The following GARS1 variants were observed in gnomAD, a reference collection of about 807,000 sequenced individuals.
GARS1 encodes glycine--tRNA ligase.
Under a neutral mutation model 86.4 loss-of-function variants are expected in GARS1, and 46 were observed. The observed-to-expected ratio is 0.53, with a 90% CI of 0.42 to 0.68. GARS1 has a LOEUF of 0.68. GARS1 is among the 30% of genes least tolerant of loss of function. The pLI, the probability that GARS1 is intolerant of heterozygous loss-of-function variation, is 0.00. For synonymous variants in GARS1, 342 were observed against 329.8 expected (o/e 1.04, Z -0.40); for missense variants, 797 against 915.6 (o/e 0.87, Z 1.67).
chr7:30,608,645 T>G (rs1791531856), intron 6 of GARS1, among the ~76,000 whole-genome samples: 1 of 152,198 alleles, frequency 6.6e-6, no homozygotes, highest in South Asian at 2.1e-4. Context: ...TTTATGAGGG[T>G]AGCAAATATA....
Position 30,603,560 on chromosome 7 carries a change from T to C in GARS1, c.723T>C (p.Ser241=), listed in dbSNP as rs767839744. The change falls in exon 6 of 17, where the codon AGT becomes AGC. Residue 241 remains serine (S), a synonymous_variant. Coordinates refer to ENST00000389266, the MANE Select transcript of GARS1 (RefSeq NM_002047.4). ...CSVEKKSEME[S]VLAQLDNYGQ... The stretch of plus-strand genomic sequence containing the variant: ...TCGAAAAGAAATCAGAAATGGAAAG[T>C]GTTTTGGCCCAGGTGAGTACTCTAG... The C allele has an allele frequency of 1.9e-6, 3 of 1,613,374 alleles. No homozygotes were observed. Among genetic ancestry groups the C allele is most frequent in the Admixed American group, 1.7e-5 (1 of 59,988 alleles).
chr7:30,632,535 T>G lies in GARS1; in HGVS notation c.2094+98T>G, dbSNP rs938866884. 81 of 1,295,132 alleles carry G rather than the reference T, an allele frequency of 6.3e-5. No homozygotes were observed. The Admixed American group carries it at 1.5e-3, about 24-fold the overall frequency. The allele number at this position is 1,295,132 out of a possible 1,614,324, so 80.2% of individuals were successfully genotyped here. ...TGATGTGTTTATGCTCCCTTTCCTTTTTTTTTCTTTTTAATTTTAATGAAC... is the reference window on the plus strand; with the variant it reads ...TGATGTGTTTATGCTCCCTTTCCTTGTTTTTTCTTTTTAATTTTAATGAAC... On this transcript the variant is annotated intron_variant, in intron 16 of 16. Coordinates refer to ENST00000389266, the MANE Select transcript of GARS1 (RefSeq NM_002047.4). This position sits in a 1 kb window ranked among gnomAD's most constrained non-coding sequence, Gnocchi z 4.1.
chr7:30,595,181 C>G (rs766720408), intron 1 of GARS1, 38 bp downstream of exon 1: 430 of 1,507,950 alleles, frequency 2.9e-4, no homozygotes, highest in Non-Finnish European at 3.4e-4. Flanking sequence ...GCCTCCGGCT[C>G]TCCTCCCAGG....
intron 10 of GARS1, among the ~76,000 whole-genome samples, chr7:30,617,979 G>A (rs1451121429): frequency 1.3e-5 from 2 of 152,136 alleles, no homozygotes; most frequent in African/African-American, 2.4e-5. Flanking sequence ...AGGCTTCCTC[G>A]CCTACATAGA....
chr7:30,629,950 A>T (rs1190487094), intron 14 of GARS1, among the ~76,000 whole-genome samples: 1 of 152,254 alleles, frequency 6.6e-6, no homozygotes, highest in African/African-American at 2.4e-5. Flanking sequence ...ATCTAACAAT[A>T]TTAATATAAC....
chr7:30,606,050 T>A (rs1192621554), intron 6 of GARS1, among the ~76,000 whole-genome samples: 2 of 152,234 alleles, frequency 1.3e-5, no homozygotes, highest in Non-Finnish European at 1.5e-5. Context: ...TGTTCCTTAC[T>A]GTTTTCTACT....
intron 10 of GARS1, among the ~76,000 whole-genome samples, chr7:30,620,451 T>G (rs555888886): frequency 3.3e-5 from 5 of 152,200 alleles, no homozygotes; most frequent in African/African-American, 7.2e-5. Context: ...GGTCCCAAAT[T>G]CCAGTGATTA....
rs773316961 is a variant in GARS1, at chr7:30,631,455, G to A, written c.1817G>A (p.Ser606Asn). The stretch of plus-strand genomic sequence containing the variant: ...TCTTTTTAAATCATCCAGTTCTTCA[G>A]TTTCCCTGCTGTAGTTGCTCCATTC... ...REGDEQRTFF[S>N]FPAVVAPFKC... Residue 606 changes from serine (S) to asparagine (N), a missense_variant, in exon 15 of 17, where the codon AGT becomes AAT. Ser to Asn is a conservative substitution (Grantham distance 46). Around this residue, in one of 2 missense-constraint regions of GARS1, gnomAD observed 598 missense variants for 738.7 expected, o/e 0.81. Transcript: ENST00000389266. 1.1e-5 allele frequency: 17 copies of A among 1,612,580 alleles called. No individual in the cohort carries two copies. Among genetic ancestry groups the A allele is most frequent in the Non-Finnish European group, 1.4e-5 (17 of 1,178,926 alleles).
rs374329201 is a variant in GARS1, at chr7:30,622,210, T to TG, written c.1468-106dup. The stretch of plus-strand genomic sequence containing the variant: ...TCAGCATAAACAGGATCTGGAGTAC[T>TG]GATAGAGAGCTGGCATGGTTTTAAG... On this transcript the variant is annotated intron_variant, in intron 11 of 16. Transcript: ENST00000389266. 2.3e-4 allele frequency: 308 copies of TG among 1,332,318 alleles called. No individual in the cohort carries two copies. In the African/African-American group the frequency reaches 3.2e-3, roughly 14 times the overall value. 82.5% of individuals were successfully genotyped at this position (1,332,318 alleles called of 1,614,324 possible).
chr7:30,606,820 A>G (rs74967934), intron 6 of GARS1, among the ~76,000 whole-genome samples: 2,359 of 152,290 alleles, frequency 0.015, 61 homozygotes, highest in African/African-American at 0.054. Context: ...TGAGCTAGGA[A>G]GTTGATATTT....
rs1808811699 is a variant in GARS1, at chr7:30,632,625, C to T, written c.2094+188C>T. Among the ~76,000 whole-genome samples the T allele has an allele frequency of 6.6e-6, 1 of 152,022 alleles. No homozygotes were observed. Among genetic ancestry groups the T allele is most frequent in the Non-Finnish European group, 1.5e-5 (1 of 68,026 alleles). On this transcript the variant is annotated intron_variant, in intron 16 of 16. Transcript: ENST00000389266. This position sits in a 1 kb window ranked among gnomAD's most constrained non-coding sequence, Gnocchi z 4.1. The stretch of plus-strand genomic sequence containing the variant: ...GTTTAATTATGAAAATATCCATTAG[C>T]ACTTCTCTAATATTTTATAAACATT...
At chr7:30,599,873 A>C in intron 2 of GARS1, 74 bp from the exon 3 acceptor site, 1 of 960,102 alleles carries the variant, frequency 1.0e-6, no homozygotes, top group Non-Finnish European at 1.6e-6. Context: ...TGAGGAATAA[A>C]CTAAATTCAG....
In GARS1 at chr7:30,609,710, G is replaced by T. The variant is rs1217614307; in HGVS notation, c.861G>T (p.Gly287=). 2.5e-6 allele frequency: 4 copies of T among 1,613,470 alleles called. No homozygotes were observed. The highest frequency in any genetic ancestry group is 3.4e-6 in the Non-Finnish European group (4 of 1,179,710). ...ACTTAATGTTCAAGACTTTCATTGG[G>T]CCTGGAGGAAACATGCCTGGGTATG... ...SFNLMFKTFI[G]PGGNMPGYLR... The change falls in exon 7 of 17, where the codon GGG becomes GGT. Residue 287 remains glycine, a synonymous_variant. Coordinates refer to ENST00000389266, the MANE Select transcript of GARS1 (RefSeq NM_002047.4).
intron 10 of GARS1, 63 bp from the exon 11 acceptor site, chr7:30,621,330 G>A (rs1404663697): frequency 6.8e-6 from 9 of 1,318,500 alleles, no homozygotes; most frequent in Admixed American, 1.7e-5. Flanking sequence ...GCATGCATTT[G>A]TGAATGAACC....
At position 30,603,533 on chromosome 7, in the gene GARS1, T is replaced by C; in HGVS notation, c.696T>C (p.Ser232=). Residue 232 remains serine (S), a synonymous_variant, in exon 6 of 17, where the codon TCT becomes TCC. Coordinates refer to ENST00000389266, the MANE Select transcript of GARS1 (RefSeq NM_002047.4). ...AATTGATGTCTGATAAGAAGTGTTC[T>C]GTCGAAAAGAAATCAGAAATGGAAA... is the stretch of plus-strand genomic sequence containing the variant. ...LQKLMSDKKC[S]VEKKSEMESV... 1 of 1,613,978 alleles carries C rather than the reference T, an allele frequency of 6.2e-7. No homozygotes were observed. The highest frequency in any genetic ancestry group is 8.5e-7 in the Non-Finnish European group (1 of 1,179,976).
chr7:30,600,443 G>C (rs1012994598), intron 3 of GARS1, among the ~76,000 whole-genome samples: 1 of 152,138 alleles, frequency 6.6e-6, no homozygotes, highest in Non-Finnish European at 1.5e-5. Context: ...TATTCTTTAT[G>C]GTCATCTGCC....
chr7:30,627,684 C>T (rs1008814875), intron 13 of GARS1, among the ~76,000 whole-genome samples: 5 of 152,188 alleles, frequency 3.3e-5, no homozygotes, highest in African/African-American at 1.2e-4. Flanking sequence ...GTTCTTTGAG[C>T]AAACTCTCCC....
Position 30,612,092 on chromosome 7 carries a change from A to T in GARS1, c.882-4A>T. On this transcript the variant is annotated splice_polypyrimidine_tract_variant and splice_region_variant and intron_variant, in intron 7 of 16. Transcript: ENST00000389266. ...GTAACAGACTGACTTACTTAAATTT[A>T]TAGGTACTTGAGACCAGAAACTGCA... 6.2e-7 allele frequency: 1 copy of T among 1,612,222 alleles called. No homozygotes were observed. Among genetic ancestry groups the T allele is most frequent in the East Asian group, 2.2e-5 (1 of 44,862 alleles).
chr7:30,604,292 C>G (rs1210765607), intron 6 of GARS1, among the ~76,000 whole-genome samples: 1 of 152,136 alleles, frequency 6.6e-6, no homozygotes, highest in Non-Finnish European at 1.5e-5. Flanking sequence ...GTTGGCTATT[C>G]CGTTTAGGCA....
Sources: allele counts gnomAD v4.1 joint callset (sites outside exome capture counted in the v4.1 genomes callset), GRCh38; gene constraint gnomAD v4.1.1; regional missense constraint gnomAD v4.1.1; non-coding constraint Gnocchi (gnomAD v3.1); transcripts MANE v1.5; gene names NCBI Gene and HGNC (gene_info 2026-07-23, HGNC 2026-07-21).